DGKI: variants seen among roughly 807,000 people sequenced by gnomAD.
DGKI encodes the protein diacylglycerol kinase iota, also known as DAG kinase iota.
Under a neutral mutation model 147.5 loss-of-function variants are expected in DGKI, and 55 were observed. The observed-to-expected ratio is 0.37, with a 90% CI of 0.30 to 0.47. The LOEUF (loss-of-function observed/expected upper bound fraction) is 0.47, where lower values mean the gene tolerates loss of function less well. DGKI is among the 20% of genes least tolerant of loss of function. DGKI has a pLI of 1.00. For synonymous variants in DGKI, 469 were observed against 477.1 expected (o/e 0.98, Z 0.22); for missense variants, 1,007 against 1,323.8 (o/e 0.76, Z 3.71).
At chr7:137,626,648 A>G (rs1049051125) in intron 6 of DGKI, among the ~76,000 whole-genome samples, 2 of 152,168 alleles carry the variant, frequency 1.3e-5, no homozygotes, top group Admixed American at 1.3e-4. Flanking sequence ...AGGGAGCAAA[A>G]AAAGGCTACA....
At chr7:137,431,313 T>C (rs1813063921) in intron 28 of DGKI, among the ~76,000 whole-genome samples, 1 of 151,688 alleles carries the variant, frequency 6.6e-6, no homozygotes, top group African/African-American at 2.4e-5. Flanking sequence ...AGGATGGAAA[T>C]GTAACCACAC....
At chr7:137,633,122 G>T (rs1007321238) in intron 6 of DGKI, among the ~76,000 whole-genome samples, 8 of 148,560 alleles carry the variant, frequency 5.4e-5, no homozygotes, top group Non-Finnish European at 1.5e-5. Flanking sequence ...TGAGGCAGGA[G>T]AATTGCTTGA....
chr7:137,662,996 T>C (rs942648703), intron 3 of DGKI, among the ~76,000 whole-genome samples: 1 of 152,216 alleles, frequency 6.6e-6, no homozygotes, highest in Non-Finnish European at 1.5e-5. Flanking sequence ...TGCTCAGATA[T>C]ACACCAATAC....
chr7:137,395,578 G>A lies in DGKI; in HGVS notation c.3057+20C>T. The A allele has an allele frequency of 6.2e-7, 1 of 1,607,722 alleles. No individual in the cohort carries two copies. The highest frequency in any genetic ancestry group is 1.7e-4 in the Middle Eastern group (1 of 6,044). ...GATCTCGCCCAGCGGGAGGATGTTT[G>A]CACTCACTCATCGAGTTACCTTGGA... is the stretch of plus-strand genomic sequence containing the variant. On this transcript the variant is annotated intron_variant, in intron 32 of 32. Coordinates refer to ENST00000614521, the MANE Select transcript of DGKI (RefSeq NM_001321708.2).
chr7:137,643,624 C>G (rs537205728), intron 6 of DGKI, among the ~76,000 whole-genome samples: 3 of 152,302 alleles, frequency 2.0e-5, no homozygotes, highest in Admixed American at 1.3e-4. Context: ...GACTTCCCCA[C>G]TGACGACGGA....
rs544040500 is a variant in DGKI, at chr7:137,705,334, G to A, written c.402-15332C>T. Among the ~76,000 whole-genome samples, 3 of 152,016 alleles carry A rather than the reference G, an allele frequency of 2.0e-5. No homozygotes were observed. In the South Asian group the frequency reaches 6.2e-4, roughly 32 times the overall value. ...AAAACAATTCAACTGTCCAGCAATA[G>A]GAGAATGGATTAAAGAAACTATGGT... is the stretch of plus-strand genomic sequence containing the variant. On this transcript the variant is annotated intron_variant, in intron 1 of 32. Coordinates refer to ENST00000614521, the MANE Select transcript of DGKI (RefSeq NM_001321708.2).
intron 27 of DGKI, among the ~76,000 whole-genome samples, chr7:137,462,909 C>T (rs1418656277): frequency 6.6e-6 from 1 of 152,182 alleles, no homozygotes; most frequent in Non-Finnish European, 1.5e-5. Flanking sequence ...ACACTCTCAC[C>T]ATGATCAGAC....
intron 11 of DGKI, 112 bp from the exon 12 acceptor site, chr7:137,598,019 T>C: frequency 1.1e-6 from 1 of 870,564 alleles, no homozygotes; most frequent in Non-Finnish European, 1.8e-6. Flanking sequence ...GGAGAAAATG[T>C]GTAATCATGA....
At chr7:137,744,742 T>A (rs1261380658) in intron 1 of DGKI, among the ~76,000 whole-genome samples, 1 of 152,114 alleles carries the variant, frequency 6.6e-6, no homozygotes. Flanking sequence ...GTTCAATATA[T>A]GAAAATTAAT....
At chr7:137,463,423 C>T in intron 27 of DGKI, 66 bp downstream of exon 27, 2 of 1,592,562 alleles carry the variant, frequency 1.3e-6, no homozygotes, top group Non-Finnish European at 1.7e-6. Flanking sequence ...GGGGCACAGC[C>T]CACAGTACAT....
intron 17 of DGKI, among the ~76,000 whole-genome samples, chr7:137,576,766 T>C (rs1818994580): frequency 6.6e-6 from 1 of 152,216 alleles, no homozygotes; most frequent in African/African-American, 2.4e-5. Context: ...ATGGAGATTA[T>C]CCTGGAATAA....
At chr7:137,546,691 C>T (rs181665791) in intron 20 of DGKI, among the ~76,000 whole-genome samples, 94 of 152,254 alleles carry the variant, frequency 6.2e-4, no homozygotes, top group Non-Finnish European at 1.2e-3. Flanking sequence ...AGAAACTAAA[C>T]CCAAAATGTT....
At chr7:137,696,803 G>A (rs1421670814) in intron 1 of DGKI, among the ~76,000 whole-genome samples, 1 of 152,112 alleles carries the variant, frequency 6.6e-6, no homozygotes, top group Non-Finnish European at 1.5e-5. Flanking sequence ...TAGTACCTCA[G>A]AAGGTAACCG....
At chr7:137,765,249 A>G (rs1307194533) in intron 1 of DGKI, among the ~76,000 whole-genome samples, 3 of 152,206 alleles carry the variant, frequency 2.0e-5, no homozygotes, top group South Asian at 2.1e-4. Flanking sequence ...TTTCTCTACC[A>G]GAACTACTGC....
intron 8 of DGKI, among the ~76,000 whole-genome samples, chr7:137,617,020 A>G (rs931770100): frequency 6.7e-6 from 1 of 148,218 alleles, no homozygotes. Flanking sequence ...ACAGATTAGG[A>G]TGACAGTTCC....
At chr7:137,398,865 G>C (rs1303716771) in intron 30 of DGKI, among the ~76,000 whole-genome samples, 2 of 151,862 alleles carry the variant, frequency 1.3e-5, no homozygotes, top group African/African-American at 2.4e-5. Flanking sequence ...TACCAAGAAA[G>C]ATAAGAAGGT....
At chr7:137,476,501 C>G (rs1217876519) in intron 23 of DGKI, among the ~76,000 whole-genome samples, 1 of 152,114 alleles carries the variant, frequency 6.6e-6, no homozygotes, top group African/African-American at 2.4e-5. Context: ...ATGTTACTAT[C>G]AGAATTCACA....
intron 2 of DGKI, among the ~76,000 whole-genome samples, chr7:137,684,788 C>A (rs1823360659): frequency 6.6e-6 from 1 of 152,078 alleles, no homozygotes; most frequent in Non-Finnish European, 1.5e-5. Flanking sequence ...CGAAATGGGG[C>A]TGGGAGTGGG....
intron 12 of DGKI, among the ~76,000 whole-genome samples, chr7:137,592,073 A>T (rs1399251131): frequency 6.6e-6 from 1 of 152,230 alleles, no homozygotes; most frequent in Non-Finnish European, 1.5e-5. Context: ...TTGTCCTTAG[A>T]GAAAAACTTT....
Sources: allele counts gnomAD v4.1 joint callset (sites outside exome capture counted in the v4.1 genomes callset), GRCh38; gene constraint gnomAD v4.1.1; transcripts MANE v1.5; gene names NCBI Gene and HGNC (gene_info 2026-07-23, HGNC 2026-07-21).